The following EBPL variants were observed in gnomAD, a reference collection of about 807,000 sequenced individuals.
EBPL encodes emopamil-binding protein-like.
EBPL carries 20 observed loss-of-function variants against 19.0 expected under a neutral mutation model. The observed-to-expected ratio is 1.05, with a 90% CI of 0.74 to 1.53. The LOEUF (loss-of-function observed/expected upper bound fraction) is 1.53. EBPL is among the 40% of genes most tolerant of loss of function. EBPL has a pLI of 0.00. For missense variants in EBPL, 219 were observed against 261.1 expected, an observed-to-expected ratio of 0.84 and a Z score of 1.11; for synonymous variants, 107 against 117.0, an observed-to-expected ratio of 0.91 and a Z score of 0.55.
chr13:49,681,354 G>C (rs574456583), intron 1 of EBPL, among the ~76,000 whole-genome samples: 3 of 152,204 alleles, frequency 2.0e-5, no homozygotes, highest in East Asian at 1.9e-4. Flanking sequence ...GCAGTGGTGC[G>C]ATCTCGGCTC....
rs142249912 is a variant in EBPL at position 49,688,662 on chromosome 13, C to A, written c.171+2592G>T. ...TGAACCCGAGAGGCGGAGCTTGCAG[C>A]GAGCCGAGATTGCGCCACTGCACTC... On this transcript the variant is annotated intron_variant, in intron 1 of 3. Transcript: ENST00000242827. Among the ~76,000 whole-genome samples, 4 of 144,652 alleles carry A rather than the reference C, an allele frequency of 2.8e-5. No individual in the cohort carries two copies. The South Asian group carries it at 8.6e-4, about 31-fold the overall frequency. The allele number at this position is 144,652 out of a possible 152,430, so 94.9% of individuals were successfully genotyped here.
At chr13:49,687,871 C>G (rs546922360) in intron 1 of EBPL, among the ~76,000 whole-genome samples, 3 of 152,146 alleles carry the variant, frequency 2.0e-5, no homozygotes, top group Non-Finnish European at 4.4e-5. Context: ...AACACATCAC[C>G]ACTAAATTAT....
intron 1 of EBPL, among the ~76,000 whole-genome samples, chr13:49,685,833 A>G (rs1411021867): frequency 6.6e-6 from 1 of 151,894 alleles, no homozygotes; most frequent in East Asian, 1.9e-4. Context: ...AGATCACGCT[A>G]CTGCACTCCA....
chr13:49,689,285 T>C (rs991055954), intron 1 of EBPL, among the ~76,000 whole-genome samples: 1 of 152,188 alleles, frequency 6.6e-6, no homozygotes, highest in Non-Finnish European at 1.5e-5. Context: ...TTAAACCAAG[T>C]GGTGAACACA....
chr13:49,669,205 T>C (rs1263604212), intron 2 of EBPL, among the ~76,000 whole-genome samples: 2 of 152,088 alleles, frequency 1.3e-5, no homozygotes, highest in African/African-American at 2.4e-5. Flanking sequence ...TTTTATTTTA[T>C]GTATTGTTTT....
intron 2 of EBPL, among the ~76,000 whole-genome samples, chr13:49,668,730 A>C (rs181753744): frequency 5.4e-4 from 83 of 152,334 alleles, no homozygotes; most frequent in African/African-American, 1.7e-3. Context: ...TGCTAATTGA[A>C]TATTGACTGA....
intron 1 of EBPL, among the ~76,000 whole-genome samples, chr13:49,678,053 T>A (rs879415333): frequency 3.2e-4 from 48 of 152,302 alleles, no homozygotes; most frequent in South Asian, 1.0e-3. Context: ...GGGGCTGGCT[T>A]GGGCAGCCTG....
At chr13:49,666,572 C>T (rs1210584635) in intron 2 of EBPL, among the ~76,000 whole-genome samples, 4 of 151,790 alleles carry the variant, frequency 2.6e-5, no homozygotes, top group African/African-American at 7.3e-5. Context: ...ATTAGCCAGG[C>T]GTGGTGGTGG....
At chr13:49,687,803 G>A (rs1193449197) in intron 1 of EBPL, among the ~76,000 whole-genome samples, 2 of 152,206 alleles carry the variant, frequency 1.3e-5, no homozygotes, top group Non-Finnish European at 2.9e-5. Flanking sequence ...GAATCAAACT[G>A]GACTACCTTG....
intron 1 of EBPL, among the ~76,000 whole-genome samples, chr13:49,683,550 A>C (rs1377627252): frequency 3.8e-5 from 1 of 26,536 alleles, no homozygotes; most frequent in African/African-American, 6.3e-5. Context: ...AACAAACAAA[A>C]AAAACAAAAA....
chr13:49,691,123 C>CA, intron 1 of EBPL, 131 bp downstream of exon 1: 1 of 889,014 alleles, frequency 1.1e-6, no homozygotes, highest in Non-Finnish European at 1.5e-6. Context: ...TCTCAGCTAA[C>CA]AGACTTCCTG....
chr13:49,661,856 C>T, intron 3 of EBPL: 1 of 1,550,456 alleles, frequency 6.4e-7, no homozygotes. Context: ...TGGAATGCAG[C>T]TGTGCCTACT....
intron 1 of EBPL, among the ~76,000 whole-genome samples, chr13:49,670,055 T>C (rs1192597959): frequency 6.6e-6 from 1 of 152,174 alleles, no homozygotes. Context: ...CTCACCCTAA[T>C]GTACAATTAA....
At position 49,661,063 on chromosome 13, in the gene EBPL, A is replaced by T. The variant is rs747612403; in HGVS notation, c.526T>A (p.Trp176Arg). The T allele has an allele frequency of 2.7e-5, 43 of 1,614,024 alleles. No homozygotes were observed. The highest frequency in any genetic ancestry group is 3.6e-5 in the Non-Finnish European group (43 of 1,180,022). The change falls in exon 4 of 4, where the codon TGG (tryptophan) becomes AGG (arginine). Residue 176 changes from tryptophan (W) to arginine (R), a missense_variant. Transcript: ENST00000242827. ...WLYLFFFNGV[W>R]VLIPGLLLWQ... Reference sequence around the variant, plus strand: ...AGTAGCAGTCCTGGGATCAGAACCCACACACCGTTAAAAAAAAACAGGTAA... The same window carrying T: ...AGTAGCAGTCCTGGGATCAGAACCCTCACACCGTTAAAAAAAAACAGGTAA...
intron 2 of EBPL, chr13:49,668,572 GAA>G (rs562724684): frequency 1.5e-5 from 5 of 340,902 alleles, no homozygotes; most frequent in East Asian, 1.1e-4. Flanking sequence ...AGACTCGCCT[GAA>G]AAAAAAAAGA....
intron 1 of EBPL, among the ~76,000 whole-genome samples, chr13:49,685,322 G>C (rs2137510509): frequency 6.6e-6 from 1 of 152,224 alleles, no homozygotes; most frequent in East Asian, 1.9e-4. Context: ...GATAAAGCTG[G>C]CATCTCAAAT....
chr13:49,678,982 T>C (rs1953912278), intron 1 of EBPL, among the ~76,000 whole-genome samples: 1 of 131,404 alleles, frequency 7.6e-6, no homozygotes, highest in Admixed American at 9.0e-5. Flanking sequence ...TGTCTGTGCC[T>C]GGGTGACAGA....
At chr13:49,687,855 T>C (rs973882889) in intron 1 of EBPL, among the ~76,000 whole-genome samples, 2 of 152,240 alleles carry the variant, frequency 1.3e-5, no homozygotes, top group African/African-American at 4.8e-5. Flanking sequence ...CTAGAGTTTC[T>C]GACTTAACAC....
At chr13:49,683,540 AACAAACAAAAAAAAC>A (rs1457297650) in intron 1 of EBPL, among the ~76,000 whole-genome samples, 1 of 86,218 alleles carries the variant, frequency 1.2e-5, no homozygotes, top group African/African-American at 3.0e-5. Flanking sequence ...AAAACAAACA[AACAAACAAAAAAAAC>A]AAAAACAAAA....
Sources: allele counts gnomAD v4.1 joint callset (sites outside exome capture counted in the v4.1 genomes callset), GRCh38; gene constraint gnomAD v4.1.1; transcripts MANE v1.5; gene names NCBI Gene and HGNC (gene_info 2026-07-23, HGNC 2026-07-21).